Variants in HROB observed in about 807,000 individuals in gnomAD.
HROB encodes the protein homologous recombination factor with OB-fold, also known as homologous recombination OB-fold protein.
A neutral mutation model predicts 61.0 loss-of-function variants in HROB; 44 were observed. The observed-to-expected ratio is 0.72, with a 90% confidence interval of 0.57 to 0.93. The LOEUF is 0.93. HROB is among the 40% of genes least tolerant of loss of function. The pLI is 0.00. For missense variants in HROB, 716 were observed against 796.2 expected, an observed-to-expected ratio of 0.90 and a Z score of 1.21; for synonymous variants, 301 against 310.4, an observed-to-expected ratio of 0.97 and a Z score of 0.32.
In HROB at chr17:44,156,883, G is replaced by A. The variant is rs573470136; in HGVS notation, c.1771-950G>A. On this transcript the variant is annotated intron_variant, in intron 8 of 9. Coordinates refer to ENST00000585683, the MANE Select transcript of HROB (RefSeq NM_001171251.3). ...TCACCATGTTGGTCAGGCTGGTCTC[G>A]AACTCCTGACCTTGTGATCCACCTG... Among the ~76,000 whole-genome samples the A allele has an allele frequency of 6.6e-5, 10 of 151,984 alleles. No individual in the cohort carries two copies. The East Asian group carries it at 9.7e-4, about 15-fold the overall frequency.
At position 44,148,912 on chromosome 17, in the gene HROB, A is replaced by C; in HGVS notation, c.1109A>C (p.Asn370Thr). The C allele has an allele frequency of 6.2e-7, 1 of 1,613,970 alleles. No individual in the cohort carries two copies. Among genetic ancestry groups the C allele is most frequent in the Non-Finnish European group, 8.5e-7 (1 of 1,179,976 alleles). The change falls in exon 3 of 10, where the codon AAC becomes ACC. Residue 370 changes from asparagine (N) to threonine (T), a missense_variant. Physicochemically the swap from Asn to Thr is moderately conservative, Grantham distance 65. Transcript: ENST00000585683. ...GCTCTGCAGACACCCATAGTCACCA[A>C]CCACCTGGTGCAGCTAGTCACTGCT... is the stretch of plus-strand genomic sequence containing the variant. ...QGALQTPIVT[N>T]HLVQLVTAAS...
In HROB at chr17:44,147,850, C is replaced by T. The variant is rs1421012923; in HGVS notation, c.55-8C>T. The T allele has an allele frequency of 5.0e-6, 8 of 1,606,498 alleles. No homozygotes were observed. The highest frequency in any genetic ancestry group is 2.2e-5 in the East Asian group (1 of 44,684). On this transcript the variant is annotated splice_region_variant and splice_polypyrimidine_tract_variant and intron_variant, in intron 2 of 9. Transcript: ENST00000585683. The stretch of plus-strand genomic sequence containing the variant: ...ATGCCAAGACCTACCATCTCTGCTT[C>T]CTTGTAGGATTTCTTGTCTGCTGTG...
At position 44,154,584 on chromosome 17, in the gene HROB, A is replaced by G; in HGVS notation, c.1478A>G (p.Lys493Arg). Residue 493 changes from lysine to arginine, a missense_variant, in exon 6 of 10, where the codon AAG becomes AGG. By Grantham distance (26) the Lys-to-Arg change is conservative. Coordinates refer to ENST00000585683, the MANE Select transcript of HROB (RefSeq NM_001171251.3). ...GCCCTGAAGCAGCTTCCTAGGAACA[A>G]GGTCCCCAACATGGCGGTGATGATC... ...KAALKQLPRN[K>R]VPNMAVMIKS... The G allele has an allele frequency of 6.2e-7, 1 of 1,614,186 alleles. No individual in the cohort carries two copies. The highest frequency in any genetic ancestry group is 1.7e-5 in the Admixed American group (1 of 60,014).
At chr17:44,161,028 C>T (rs938846805) in intron 9 of HROB, among the ~76,000 whole-genome samples, 3 of 152,042 alleles carry the variant, frequency 2.0e-5, no homozygotes, top group Non-Finnish European at 4.4e-5. Flanking sequence ...CGGTGAAACC[C>T]CATCTCTACT....
Position 44,148,693 on chromosome 17 carries a change from C to T in HROB, c.890C>T (p.Pro297Leu), listed in dbSNP as rs139526139. ...TIQSSPQNRF[P>L]CQPFQSPSSW... ...CAGAGCAGCCCTCAAAATCGTTTCC[C>T]TTGTCAGCCATTCCAGTCTCCAAGT... The change falls in exon 3 of 10, where the codon CCT (proline) becomes CTT (leucine). Residue 297 changes from proline (P) to leucine (L), a missense_variant. Transcript: ENST00000585683. 127 of 1,614,146 alleles carry T rather than the reference C, an allele frequency of 7.9e-5. No homozygotes were observed. Among genetic ancestry groups the T allele is most frequent in the Middle Eastern group, 1.6e-4 (1 of 6,062 alleles).
At position 44,142,068 on chromosome 17, in the gene HROB, T is replaced by C. The variant is rs991200707; in HGVS notation, c.-75T>C. On this transcript the variant is annotated 5_prime_UTR_variant, in exon 1 of 10. Coordinates refer to ENST00000585683, the MANE Select transcript of HROB (RefSeq NM_001171251.3). The stretch of plus-strand genomic sequence containing the variant: ...GAGTCCGAGACTTCCACCTGGGTCG[T>C]GTCCAAGGCCCCGGCGACTCCCCGG... 3.3e-6 allele frequency: 5 copies of C among 1,519,942 alleles called. No homozygotes were observed. In the African/African-American group the frequency reaches 5.6e-5, roughly 17 times the overall value. The allele number at this position is 1,519,942 out of a possible 1,614,324, so 94.2% of individuals were successfully genotyped here. A position where few individuals can be genotyped will look rare whatever the true frequency, so the allele number is the denominator to read the frequency against.
chr17:44,161,874 A>T lies in HROB; in HGVS notation c.1883A>T (p.Asp628Val), dbSNP rs1484738028. 6.2e-7 allele frequency: 1 copy of T among 1,614,000 alleles called. No homozygotes were observed. Among genetic ancestry groups the T allele is most frequent in the South Asian group, 1.1e-5 (1 of 91,086 alleles). The change falls in exon 10 of 10, where the codon GAC becomes GTC. Residue 628 changes from aspartate (D) to valine (V), a missense_variant. By Grantham distance (152) the Asp-to-Val change is radical. Coordinates refer to ENST00000585683, the MANE Select transcript of HROB (RefSeq NM_001171251.3). ...CCCATCATTCCCCTCTCTGTAGATGACCTGGATGGACTCCTGAGTGAGCTT... is the reference window on the plus strand; with the variant it reads ...CCCATCATTCCCCTCTCTGTAGATGTCCTGGATGGACTCCTGAGTGAGCTT... ...SPEEELPEAD[D>V]LDGLLSELPE...
chr17:44,157,210 T>G (rs969047814), intron 8 of HROB, among the ~76,000 whole-genome samples: 15 of 152,206 alleles, frequency 9.9e-5, no homozygotes, highest in African/African-American at 3.6e-4. Context: ...CTGAATGGCC[T>G]CTTCACTCTC....
chr17:44,159,728 G>A (rs1246532722), intron 9 of HROB, among the ~76,000 whole-genome samples: 1 of 152,248 alleles, frequency 6.6e-6, no homozygotes, highest in Non-Finnish European at 1.5e-5. Flanking sequence ...AGGGAGGACA[G>A]CATATGTCAG....
rs1382429416 is a variant in HROB, at chr17:44,154,677, G to A, written c.1558+13G>A. On this transcript the variant is annotated intron_variant, in intron 6 of 9. Transcript: ENST00000585683. Reference sequence around the variant, plus strand: ...AAGGACCCCACGGGTAAGGAATTAGGTCCTAGGTTGTCTGGTGAGTGGGCT... The same window carrying A: ...AAGGACCCCACGGGTAAGGAATTAGATCCTAGGTTGTCTGGTGAGTGGGCT... The A allele has an allele frequency of 6.2e-7, 1 of 1,612,990 alleles. No individual in the cohort carries two copies. The highest frequency in any genetic ancestry group is 1.3e-5 in the African/African-American group (1 of 74,892).
chr17:44,154,887 G>A lies in HROB; in HGVS notation c.1593G>A (p.Leu531=). 2 of 1,614,098 alleles carry A rather than the reference G, an allele frequency of 1.2e-6. No homozygotes were observed. The highest frequency in any genetic ancestry group is 1.7e-6 in the Non-Finnish European group (2 of 1,180,022). ...AGGGGACGGTGCACAGGTTGCTGCTGGAGACGTGCCAGAATGAGCTGAAGC... is the reference window on the plus strand; with the variant it reads ...AGGGGACGGTGCACAGGTTGCTGCTAGAGACGTGCCAGAATGAGCTGAAGC... ...EMQGTVHRLL[L]ETCQNELKPG... is the part of the protein sequence containing the mutation. The change falls in exon 7 of 10, where the codon CTG becomes CTA. Residue 531 remains leucine, a synonymous_variant. Coordinates refer to ENST00000585683, the MANE Select transcript of HROB (RefSeq NM_001171251.3).
At chr17:44,161,816 T>A in intron 9 of HROB, 55 bp from the exon 10 acceptor site, 1 of 1,583,230 alleles carries the variant, frequency 6.3e-7, no homozygotes, top group Non-Finnish European at 8.7e-7. Context: ...TGGACCTGAG[T>A]CACATGGAAT....
At chr17:44,151,907 C>T (rs767087315) in intron 4 of HROB, among the ~76,000 whole-genome samples, 10 of 151,884 alleles carry the variant, frequency 6.6e-5, no homozygotes, top group South Asian at 6.2e-4. Flanking sequence ...AGTGCAGTGT[C>T]GTGATCTCGG....
At chr17:44,158,215 C>A (rs890400329) in intron 9 of HROB, among the ~76,000 whole-genome samples, 3 of 152,148 alleles carry the variant, frequency 2.0e-5, no homozygotes, top group Non-Finnish European at 2.9e-5. Context: ...ACATCACCAT[C>A]CCCTGTCCAG....
Position 44,141,975 on chromosome 17 carries a change from T to C in HROB, c.-168T>C, listed in dbSNP as rs977374287. 33 of 956,046 alleles carry C rather than the reference T, an allele frequency of 3.5e-5. No homozygotes were observed. The highest frequency in any genetic ancestry group is 4.7e-5 in the Non-Finnish European group (32 of 674,648). 59.2% of individuals were successfully genotyped at this position (956,046 alleles called of 1,614,324 possible). On this transcript the variant is annotated 5_prime_UTR_variant, in exon 1 of 10. Coordinates refer to ENST00000585683, the MANE Select transcript of HROB (RefSeq NM_001171251.3). ...CGGCCTAAGGCGCCTGCCGCCAGTCTCCTGGCGACTTTCCCTATATCGCAG... is the reference window on the plus strand; with the variant it reads ...CGGCCTAAGGCGCCTGCCGCCAGTCCCCTGGCGACTTTCCCTATATCGCAG...
chr17:44,154,689 C>T (rs1191855194), intron 6 of HROB, 25 bp downstream of exon 6: 4 of 1,611,468 alleles, frequency 2.5e-6, no homozygotes, highest in Non-Finnish European at 3.4e-6. Context: ...CCTAGGTTGT[C>T]TGGTGAGTGG....
chr17:44,155,271 T>C lies in HROB; in HGVS notation c.1645-15T>C, dbSNP rs774942807. 1.2e-6 allele frequency: 2 copies of C among 1,613,848 alleles called. No individual in the cohort carries two copies. Among genetic ancestry groups the C allele is most frequent in the Admixed American group, 1.7e-5 (1 of 59,998 alleles). ...GCTCCATCAGGACACTGACCTTCCC[T>C]TTCCTTGACTCCAGATTGGAGTGTT... On this transcript the variant is annotated splice_polypyrimidine_tract_variant and intron_variant, in intron 7 of 9. Coordinates refer to ENST00000585683, the MANE Select transcript of HROB (RefSeq NM_001171251.3).
At chr17:44,154,772 A>T in intron 6 of HROB, 81 bp from the exon 7 acceptor site, 2 of 1,590,624 alleles carry the variant, frequency 1.3e-6, no homozygotes, top group Non-Finnish European at 1.7e-6. Context: ...GGCAGTGAGC[A>T]GCCCACTTCC....
At chr17:44,147,794 C>T in intron 2 of HROB, 64 bp from the exon 3 acceptor site, 1 of 1,451,352 alleles carries the variant, frequency 6.9e-7, no homozygotes, top group Non-Finnish European at 9.4e-7. Context: ...TGTGCCTGAA[C>T]AGTAAAAGCA....
Sources: allele counts gnomAD v4.1 joint callset (sites outside exome capture counted in the v4.1 genomes callset), GRCh38; gene constraint gnomAD v4.1.1; transcripts MANE v1.5; gene names NCBI Gene and HGNC (gene_info 2026-07-23, HGNC 2026-07-21).